The following KLHDC1 variants were observed in gnomAD, a reference collection of about 807,000 sequenced individuals.
KLHDC1 encodes the protein kelch domain containing 1.
KLHDC1 carries 53 observed loss-of-function variants against 68.3 expected under a neutral mutation model. That is an observed-to-expected ratio of 0.78 (90% CI 0.62 to 0.98). The LOEUF is 0.98. Among genes scored for constraint, KLHDC1 ranks in the 50% least tolerant of loss-of-function variants. The pLI, the probability that KLHDC1 is intolerant of heterozygous loss-of-function variation, is 0.00. For missense variants in KLHDC1, 470 were observed against 492.3 expected (o/e 0.95, Z 0.43); for synonymous variants, 148 against 159.0 (o/e 0.93, Z 0.52).
intron 1 of KLHDC1, among the ~76,000 whole-genome samples, chr14:49,696,167 T>C (rs761451630): frequency 4.0e-5 from 6 of 151,736 alleles, no homozygotes; most frequent in Non-Finnish European, 7.4e-5. Context: ...CATGAGCACA[T>C]GCTGCTTCAC....
intron 4 of KLHDC1, among the ~76,000 whole-genome samples, chr14:49,720,135 C>T (rs980125172): frequency 2.6e-5 from 4 of 152,226 alleles, no homozygotes; most frequent in East Asian, 1.9e-4. Flanking sequence ...TACAGGCATG[C>T]GCCACCAAAC....
At chr14:49,720,950 A>T (rs910661224) in intron 4 of KLHDC1, among the ~76,000 whole-genome samples, 4 of 151,820 alleles carry the variant, frequency 2.6e-5, no homozygotes, top group African/African-American at 9.7e-5. Context: ...ATTATTTTCT[A>T]TTTTTAGCAT....
chr14:49,719,648 G>T (rs1002001075), intron 4 of KLHDC1, among the ~76,000 whole-genome samples: 1 of 151,816 alleles, frequency 6.6e-6, no homozygotes, highest in Non-Finnish European at 1.5e-5. Flanking sequence ...ATGTTGGCCA[G>T]GCTGGTCTCG....
At chr14:49,726,325 G>A (rs920566306) in intron 6 of KLHDC1, among the ~76,000 whole-genome samples, 1 of 152,166 alleles carries the variant, frequency 6.6e-6, no homozygotes, top group Admixed American at 6.5e-5. Context: ...AGGCTGTAGT[G>A]TGCTACAATC....
intron 12 of KLHDC1, chr14:49,751,135 C>T (rs1417521075): frequency 6.6e-6 from 1 of 152,118 alleles, no homozygotes; most frequent in Non-Finnish European, 1.5e-5. Flanking sequence ...ACTTAAAGAA[C>T]ATTATGCATG....
At chr14:49,751,032 A>G (rs1379361744) in intron 12 of KLHDC1, 3 of 152,196 alleles carry the variant, frequency 2.0e-5, no homozygotes, top group Non-Finnish European at 4.4e-5. Context: ...GTTCTGTGAG[A>G]AGGGTATATG....
At chr14:49,748,715 TA>T (rs1889254284) in intron 12 of KLHDC1, among the ~76,000 whole-genome samples, 1 of 151,840 alleles carries the variant, frequency 6.6e-6, no homozygotes, top group Non-Finnish European at 1.5e-5. Context: ...TGAGCCATCG[TA>T]GGGGGTATAT....
At chr14:49,698,478 A>G (rs1486042337) in intron 1 of KLHDC1, among the ~76,000 whole-genome samples, 2 of 151,272 alleles carry the variant, frequency 1.3e-5, no homozygotes, top group Admixed American at 1.3e-4. Flanking sequence ...CTGGGATTAC[A>G]GGCCTGAGCC....
chr14:49,734,637 CACATTTACCTAAA>C lies in KLHDC1; in HGVS notation c.876_888del (p.His292GlnfsTer17). 6.3e-7 allele frequency: 1 copy of C among 1,593,628 alleles called. No individual in the cohort carries two copies. The highest frequency in any genetic ancestry group is 8.6e-7 in the Non-Finnish European group (1 of 1,166,550). On this transcript the variant is annotated frameshift_variant, in exon 10 of 13. Coordinates refer to ENST00000359332, the MANE Select transcript of KLHDC1 (RefSeq NM_172193.3). LOFTEE classifies it high-confidence loss of function. Reference sequence around the variant, plus strand: ...ACAACAAATTGTTGGAAACAACTTACACATTTACCTAAAACAAGACCTAGGTAAGTCAAGAAAT... The same window carrying C: ...ACAACAAATTGTTGGAAACAACTTACACAAGACCTAGGTAAGTCAAGAAAT...
At chr14:49,709,100 C>A in intron 1 of KLHDC1, 59 bp from the exon 2 acceptor site, 1 of 713,158 alleles carries the variant, frequency 1.4e-6, no homozygotes, top group South Asian at 1.8e-5. Flanking sequence ...TCCTGAGAAG[C>A]TGTGTAACTG....
intron 8 of KLHDC1, among the ~76,000 whole-genome samples, chr14:49,730,896 C>T (rs955737241): frequency 4.6e-5 from 7 of 152,042 alleles, no homozygotes; most frequent in Non-Finnish European, 8.8e-5. Flanking sequence ...CGCTTGAACC[C>T]GGGAGGTGGA....
intron 1 of KLHDC1, among the ~76,000 whole-genome samples, chr14:49,697,292 A>C (rs911245957): frequency 3.9e-5 from 6 of 152,144 alleles, no homozygotes; most frequent in African/African-American, 1.4e-4. Flanking sequence ...GGAGAGGGAG[A>C]GAGAGGGGGG....
At chr14:49,713,923 G>T (rs533252480) in intron 4 of KLHDC1, among the ~76,000 whole-genome samples, 1 of 140,870 alleles carries the variant, frequency 7.1e-6, no homozygotes, top group Non-Finnish European at 1.5e-5. Context: ...CACGATCTTG[G>T]CTCACTGTAA....
At chr14:49,701,976 C>T (rs927005676) in intron 1 of KLHDC1, among the ~76,000 whole-genome samples, 3 of 152,140 alleles carry the variant, frequency 2.0e-5, no homozygotes, top group African/African-American at 7.2e-5. Context: ...GGAGACCAGC[C>T]TCACCAACAT....
intron 11 of KLHDC1, among the ~76,000 whole-genome samples, chr14:49,743,496 G>T (rs1264139116): frequency 6.6e-6 from 1 of 150,852 alleles, no homozygotes; most frequent in Non-Finnish European, 1.5e-5. Flanking sequence ...TTGCAATTAT[G>T]TAGGCTATTG....
intron 12 of KLHDC1, among the ~76,000 whole-genome samples, chr14:49,747,149 A>G (rs145562358): frequency 0.017 from 2,549 of 152,000 alleles, 163 homozygotes; most frequent in East Asian, 0.12. Context: ...GGGTTTCACC[A>G]TGTTAGCCAG....
At chr14:49,729,132 A>G in intron 7 of KLHDC1, 123 bp downstream of exon 7, 1 of 665,834 alleles carries the variant, frequency 1.5e-6, no homozygotes, top group Admixed American at 2.8e-5. Flanking sequence ...ATTCAATACT[A>G]ATTTTATTTA....
At chr14:49,695,116 A>ATATGTGTGTG (rs374154891) in intron 1 of KLHDC1, among the ~76,000 whole-genome samples, 1 of 142,094 alleles carries the variant, frequency 7.0e-6, no homozygotes, top group Non-Finnish European at 1.5e-5. Flanking sequence ...TGCAGTTTTG[A>ATATGTGTGTG]TGTGTGTGTG....
At position 49,743,810 on chromosome 14, in the gene KLHDC1, G is replaced by A; in HGVS notation, c.1034+5G>A. Reference sequence around the variant, plus strand: ...ACAGCCTTATTCACTACTCAGGTAAGCAAATTTAATATTTTCTATATATTT... The same window carrying A: ...ACAGCCTTATTCACTACTCAGGTAAACAAATTTAATATTTTCTATATATTT... On this transcript the variant is annotated splice_donor_5th_base_variant and intron_variant, in intron 12 of 12. Transcript: ENST00000359332. 3 of 1,496,260 alleles carry A rather than the reference G, an allele frequency of 2.0e-6. No homozygotes were observed. Among genetic ancestry groups the A allele is most frequent in the Admixed American group, 3.5e-5 (2 of 57,486 alleles). The allele number at this position is 1,496,260 out of a possible 1,614,324, so 92.7% of individuals were successfully genotyped here. A position where few individuals can be genotyped will look rare whatever the true frequency, so the allele number is the denominator to read the frequency against.
Sources: allele counts gnomAD v4.1 joint callset (sites outside exome capture counted in the v4.1 genomes callset), GRCh38; gene constraint gnomAD v4.1.1; transcripts MANE v1.5; gene names NCBI Gene and HGNC (gene_info 2026-07-23, HGNC 2026-07-21).